The following AMOTL1 variants were observed in gnomAD, a reference collection of about 807,000 sequenced individuals.
AMOTL1 encodes angiomotin-like protein 1.
AMOTL1 carries 45 observed loss-of-function variants against 102.9 expected under a neutral mutation model. The ratio of observed to expected loss-of-function variants is 0.44; its 90% CI spans 0.34 to 0.56. The LOEUF (loss-of-function observed/expected upper bound fraction) is 0.56. Among genes scored for constraint, AMOTL1 ranks in the 20% least tolerant of loss-of-function variants. The probability of loss-of-function intolerance (pLI) is 0.01; values close to 1 mark genes in which losing one functional copy is unlikely to be tolerated. For synonymous variants in AMOTL1, 481 were observed against 484.7 expected, an observed-to-expected ratio of 0.99 and a Z score of 0.10; for missense variants, 1,114 against 1,225.6, an observed-to-expected ratio of 0.91 and a Z score of 1.36.
At chr11:94,764,290 A>G (rs72971745), upstream of AMOTL1, among the ~76,000 whole-genome samples, 1,954 of 152,328 alleles carry the variant, frequency 0.013, 20 homozygotes, top group Non-Finnish European at 0.018. Flanking sequence ...GGAAACCTCA[A>G]TGTGCTAGGA....
At position 94,843,215 on chromosome 11, in the gene AMOTL1, G is replaced by A. The variant is rs371312438; in HGVS notation, c.1649-6899G>A. 1.4e-4 allele frequency among the ~76,000 whole-genome samples: 22 copies of A among 152,352 alleles called. No individual in the cohort carries two copies. The South Asian group carries it at 2.1e-3, about 14-fold the overall frequency. On this transcript the variant is annotated intron_variant, in intron 6 of 12. Coordinates refer to ENST00000433060, the MANE Select transcript of AMOTL1 (RefSeq NM_130847.3). ...ATTGCTTTTCTGTTTGTGAATTAAT[G>A]TGTGGCTTTAAAAAGTAGATCGTGT...
chr11:94,787,395 C>A (rs1468024239), intron 1 of AMOTL1, among the ~76,000 whole-genome samples: 3 of 151,930 alleles, frequency 2.0e-5, no homozygotes, highest in African/African-American at 7.3e-5. Flanking sequence ...TACTATAATT[C>A]CAGGCAGATA....
chr11:94,786,209 C>T (rs868539789), intron 1 of AMOTL1, among the ~76,000 whole-genome samples: 1 of 152,100 alleles, frequency 6.6e-6, no homozygotes, highest in Non-Finnish European at 1.5e-5. Context: ...TTACTATATA[C>T]AATTTGAGTC....
At chr11:94,753,061 C>A (rs181866832) in intron 3 of AMOTL1, among the ~76,000 whole-genome samples, 2 of 152,128 alleles carry the variant, frequency 1.3e-5, no homozygotes, top group Non-Finnish European at 2.9e-5. Context: ...CAAATTCAAA[C>A]GGCAACTCCA....
chr11:94,834,799 G>A (rs1397686467), intron 6 of AMOTL1, among the ~76,000 whole-genome samples: 1 of 152,134 alleles, frequency 6.6e-6, no homozygotes, highest in Non-Finnish European at 1.5e-5. Flanking sequence ...TCAAGCAGCA[G>A]GTGGGACTTG....
chr11:94,758,993 T>G (rs1950760485), intron 3 of AMOTL1, among the ~76,000 whole-genome samples: 2 of 152,252 alleles, frequency 1.3e-5, no homozygotes. Flanking sequence ...CTCTGCCTCA[T>G]TCTTATTTCA....
At chr11:94,816,380 G>T (rs1205632435) in intron 3 of AMOTL1, among the ~76,000 whole-genome samples, 1 of 152,062 alleles carries the variant, frequency 6.6e-6, no homozygotes, top group Non-Finnish European at 1.5e-5. Context: ...ATTTTTACTT[G>T]TTACCTAAGA....
chr11:94,745,471 A>G (rs2135483338), intron 3 of AMOTL1, among the ~76,000 whole-genome samples: 1 of 152,310 alleles, frequency 6.6e-6, no homozygotes, highest in South Asian at 2.1e-4. Flanking sequence ...TATCACCTCT[A>G]TCACTCAGGA....
At chr11:94,838,646 A>G (rs948042339) in intron 6 of AMOTL1, among the ~76,000 whole-genome samples, 18 of 152,248 alleles carry the variant, frequency 1.2e-4, no homozygotes, top group African/African-American at 3.9e-4. Flanking sequence ...GAACCCTAAC[A>G]AAAGGAGAAA....
At chr11:94,823,184 A>G (rs554049967) in intron 4 of AMOTL1, among the ~76,000 whole-genome samples, 2 of 152,112 alleles carry the variant, frequency 1.3e-5, no homozygotes, top group Non-Finnish European at 2.9e-5. Context: ...GGAGCAGTGG[A>G]TTTGATGGTG....
rs185994967 is a variant in AMOTL1, at chr11:94,876,021, A to G, written c.*5226A>G. The G allele has an allele frequency of 1.0e-3, 159 of 152,776 alleles. 1 individual carries two copies. Among genetic ancestry groups the G allele is most frequent in the African/African-American group, 3.5e-3 (147 of 41,588 alleles). The allele number at this position is 152,776 out of a possible 1,614,324, so 9.5% of individuals were successfully genotyped here. A position where few individuals can be genotyped will look rare whatever the true frequency, so the allele number is the denominator to read the frequency against. On this transcript the variant is annotated 3_prime_UTR_variant, in exon 13 of 13. Coordinates refer to ENST00000433060, the MANE Select transcript of AMOTL1 (RefSeq NM_130847.3). The stretch of plus-strand genomic sequence containing the variant: ...TTGTCATGAAACTTTGCTTCTTCAC[A>G]GAATTAGAATACTGCTCTCTCTATA...
At chr11:94,834,310 G>A (rs915042452) in intron 6 of AMOTL1, among the ~76,000 whole-genome samples, 1 of 152,184 alleles carries the variant, frequency 6.6e-6, no homozygotes, top group East Asian at 1.9e-4. Context: ...GTCTCGGGCC[G>A]GGCGCGGTGG....
chr11:94,865,002 G>A (rs2135737224), intron 10 of AMOTL1, 142 bp downstream of exon 10: 1 of 1,251,442 alleles, frequency 8.0e-7, no homozygotes, highest in East Asian at 2.7e-5. Context: ...CTGTGCCATG[G>A]AGAGAAGGAA....
chr11:94,851,618 C>A (rs1215518117), intron 7 of AMOTL1, among the ~76,000 whole-genome samples: 1 of 152,210 alleles, frequency 6.6e-6, no homozygotes, highest in East Asian at 1.9e-4. Flanking sequence ...AATCCTGGCT[C>A]TATGGCCTGT....
At chr11:94,824,404 T>TA (rs1196013043) in intron 4 of AMOTL1, among the ~76,000 whole-genome samples, 1 of 152,232 alleles carries the variant, frequency 6.6e-6, no homozygotes, top group Non-Finnish European at 1.5e-5. Context: ...TCAGTGACGT[T>TA]ACATGAGGAC....
At chr11:94,713,342 A>G (rs1319611171) in intron 1 of AMOTL1, among the ~76,000 whole-genome samples, 1 of 152,000 alleles carries the variant, frequency 6.6e-6, no homozygotes, top group African/African-American at 2.4e-5. Flanking sequence ...GTTATTTGTC[A>G]AAAGTTTTAG....
At chr11:94,822,659 G>T (rs1404037464) in intron 4 of AMOTL1, among the ~76,000 whole-genome samples, 1 of 152,172 alleles carries the variant, frequency 6.6e-6, no homozygotes, top group Non-Finnish European at 1.5e-5. Context: ...TCCAGCCTGT[G>T]TAGTTACTGT....
rs371936570 is a variant in AMOTL1, at chr11:94,870,714, G to A, written c.2790G>A (p.Ser930=). 21 of 1,602,462 alleles carry A rather than the reference G, an allele frequency of 1.3e-5. No individual in the cohort carries two copies. Among genetic ancestry groups the A allele is most frequent in the Admixed American group, 3.4e-5 (2 of 59,150 alleles). ...AGAACTCTCCTGGCCATGGGAAGTC[G>A]CCTGACCACAGAGGCCGGGTCAGCA... is the stretch of plus-strand genomic sequence containing the variant. ...KLENSPGHGK[S]PDHRGRVSSL... The change falls in exon 13 of 13, where the codon TCG becomes TCA. Residue 930 remains serine (S), a synonymous_variant. Coordinates refer to ENST00000433060, the MANE Select transcript of AMOTL1 (RefSeq NM_130847.3).
Position 94,804,811 on chromosome 11 carries a change from C to A in AMOTL1, c.1121+4500C>A, listed in dbSNP as rs371610546. ...TCCATTTTCTAGAACTCTGTCTTCACCCTTAGCAGGTGAGAATGGAGTAGT... is the reference window on the plus strand; with the variant it reads ...TCCATTTTCTAGAACTCTGTCTTCAACCTTAGCAGGTGAGAATGGAGTAGT... On this transcript the variant is annotated intron_variant, in intron 3 of 12. Transcript: ENST00000433060. 5.3e-5 allele frequency among the ~76,000 whole-genome samples: 8 copies of A among 152,276 alleles called. No individual in the cohort carries two copies. The East Asian group carries it at 1.5e-3, about 29-fold the overall frequency.
Sources: gnomAD v4.1 joint callset for allele counts (sites outside exome capture counted in the v4.1 genomes callset) on GRCh38, gnomAD v4.1.1 for gene constraint, MANE v1.5 for transcripts, NCBI Gene and HGNC (gene_info 2026-07-23, HGNC 2026-07-21) for gene names.